Variants in MAPK14 observed in about 807,000 individuals in gnomAD.
The protein encoded by MAPK14 is CSAID-binding protein.
Under a neutral mutation model 49.6 loss-of-function variants are expected in MAPK14, and 16 were observed. That is an observed-to-expected ratio of 0.32 (90% confidence interval 0.22 to 0.49). MAPK14 has a LOEUF of 0.49. Among genes scored for constraint, MAPK14 ranks in the 20% least tolerant of loss-of-function variants. MAPK14 has a pLI of 0.99. For missense variants in MAPK14, 200 were observed against 441.2 expected, an observed-to-expected ratio of 0.45 and a Z score of 4.90; for synonymous variants, 142 against 158.0, an observed-to-expected ratio of 0.90 and a Z score of 0.76.
chr6:36,065,507 G>GGGGTGTGT (rs1435565312), intron 3 of MAPK14, among the ~76,000 whole-genome samples: 3 of 122,454 alleles, frequency 2.4e-5, no homozygotes, highest in African/African-American at 6.2e-5. Flanking sequence ...GGGCAGAAAA[G>GGGGTGTGT]GTGTGTGTGT....
intron 3 of MAPK14, among the ~76,000 whole-genome samples, chr6:36,064,053 T>G (rs1763936900): frequency 7.2e-6 from 1 of 139,050 alleles, no homozygotes; most frequent in Non-Finnish European, 1.5e-5. Context: ...TACTATAATA[T>G]TGCCTTTTCT....
intron 9 of MAPK14, chr6:36,100,254 T>C: frequency 1.2e-6 from 2 of 1,613,356 alleles, no homozygotes; most frequent in Non-Finnish European, 1.7e-6. Context: ...ATTAACAGGA[T>C]GCCAAGCCAT....
At chr6:36,121,206 G>A in the MAPK14 span, among the ~76,000 whole-genome samples, 1 of 152,178 alleles carries the variant, frequency 6.6e-6, no homozygotes, top group African/African-American at 2.4e-5. Flanking sequence ...TGGAGGATCC[G>A]ATTAGCAAGA....
chr6:36,068,511 G>T (rs1764148017), intron 3 of MAPK14, among the ~76,000 whole-genome samples: 1 of 152,180 alleles, frequency 6.6e-6, no homozygotes, highest in Non-Finnish European at 1.5e-5. Flanking sequence ...GCAGAAGCTT[G>T]TGCTTACAAA....
At chr6:36,039,258 T>C (rs988349821) in intron 1 of MAPK14, among the ~76,000 whole-genome samples, 2 of 152,152 alleles carry the variant, frequency 1.3e-5, no homozygotes, top group African/African-American at 4.8e-5. Context: ...AGAAAATAAG[T>C]TTTCCTGCAA....
At chr6:36,065,547 T>TGTGTGTGTGTGTGTGTGTGTGTGTGTGTG (rs1581777404) in intron 3 of MAPK14, among the ~76,000 whole-genome samples, 1 of 145,322 alleles carries the variant, frequency 6.9e-6, no homozygotes, top group African/African-American at 2.5e-5. Flanking sequence ...TGTGTGTGTG[T>TGTGTGTGTGTGTGTGTGTGTGTGTGTGTG]TTGGTGGGAA....
At chr6:36,045,990 G>C (rs531241276) in intron 1 of MAPK14, among the ~76,000 whole-genome samples, 22 of 152,076 alleles carry the variant, frequency 1.4e-4, no homozygotes, top group African/African-American at 5.3e-4. Context: ...AAATTTAGAA[G>C]TTAAACAGAA....
At chr6:36,104,702 T>C (rs911430178) in intron 10 of MAPK14, among the ~76,000 whole-genome samples, 7 of 152,206 alleles carry the variant, frequency 4.6e-5, no homozygotes, top group African/African-American at 1.7e-4. Context: ...TGTTCTTTCT[T>C]GTCGTCATTC....
At position 36,110,978 on chromosome 6, in the gene MAPK14, T is replaced by C. The variant is rs1172792127; in HGVS notation, c.*2531T>C. On this transcript the variant is annotated 3_prime_UTR_variant, in exon 12 of 12. Transcript: ENST00000229794. ...GTGGATGGGTAAAGCAAAGAGCAAA[T>C]GAACGAAGTATTAAGCATTGGGGCC... The C allele has an allele frequency of 1.3e-5, 2 of 152,116 alleles. No homozygotes were observed. The highest frequency in any genetic ancestry group is 2.9e-5 in the Non-Finnish European group (2 of 68,006). The allele number at this position is 152,116 out of a possible 1,614,324, so 9.4% of individuals were successfully genotyped here.
In MAPK14 at chr6:36,100,318, C is replaced by G. The variant is rs1239419939; in HGVS notation, c.763-2253C>G. The G allele has an allele frequency of 1.3e-5, 17 of 1,315,612 alleles. No individual in the cohort carries two copies. The East Asian group carries it at 3.9e-4, about 30-fold the overall frequency. The allele number at this position is 1,315,612 out of a possible 1,614,324, so 81.5% of individuals were successfully genotyped here. On this transcript the variant is annotated intron_variant, in intron 9 of 11. Transcript: ENST00000229794. ...ATGTCGCACTGAGAAGCCACATTCT[C>G]ATTTTATTGCCACCGTATAACCAAC...
At chr6:36,097,771 C>G (rs1765493088) in intron 9 of MAPK14, 2 of 152,132 alleles carry the variant, frequency 1.3e-5, no homozygotes, top group Admixed American at 1.3e-4. Context: ...AAGAAAGAAA[C>G]AATGAGTGCA....
intron 3 of MAPK14, among the ~76,000 whole-genome samples, chr6:36,069,475 C>A (rs1764185348): frequency 6.6e-6 from 1 of 152,170 alleles, no homozygotes; most frequent in Non-Finnish European, 1.5e-5. Context: ...AAGTTAGTTC[C>A]TGCAAGATGC....
intron 4 of MAPK14, 66 bp downstream of exon 4, chr6:36,073,050 T>C: frequency 9.9e-7 from 1 of 1,009,302 alleles, no homozygotes; most frequent in Non-Finnish European, 1.6e-6. Flanking sequence ...TTTTAGGGCT[T>C]AAACAAACAA....
chr6:36,120,009 CAGAG>C, the MAPK14 span, among the ~76,000 whole-genome samples: 1 of 152,154 alleles, frequency 6.6e-6, no homozygotes, highest in Non-Finnish European at 1.5e-5. Flanking sequence ...GGCATGGAAT[CAGAG>C]AGGGGCATGA....
chr6:36,091,962 CA>C, intron 8 of MAPK14: 1 of 289,684 alleles, frequency 3.5e-6, no homozygotes. Flanking sequence ...GTCTCATTTA[CA>C]AAAATGGCCA....
chr6:36,081,982 T>G (rs949165480), intron 8 of MAPK14, among the ~76,000 whole-genome samples: 1 of 152,218 alleles, frequency 6.6e-6, no homozygotes, highest in Non-Finnish European at 1.5e-5. Flanking sequence ...CCTATGTATT[T>G]TATTATTTTT....
downstream of MAPK14, among the ~76,000 whole-genome samples, chr6:36,114,229 A>G (rs1235442198): frequency 6.6e-6 from 1 of 152,204 alleles, no homozygotes; most frequent in Non-Finnish European, 1.5e-5. Flanking sequence ...GAAAACCATG[A>G]ATCTAACACT....
intron 1 of MAPK14, 149 bp from the exon 2 acceptor site, chr6:36,052,550 G>T: frequency 1.8e-6 from 1 of 548,062 alleles, no homozygotes; most frequent in Non-Finnish European, 2.9e-6. Flanking sequence ...TTGGATAATG[G>T]GATAATAGGT....
the MAPK14 span, among the ~76,000 whole-genome samples, chr6:36,122,496 AC>A: frequency 6.6e-6 from 1 of 152,228 alleles, no homozygotes; most frequent in African/African-American, 2.4e-5. Flanking sequence ...TCGGCCAGTC[AC>A]CGGCTGCCAG....
Sources: gnomAD v4.1 joint callset for allele counts (sites outside exome capture counted in the v4.1 genomes callset) on GRCh38, gnomAD v4.1.1 for gene constraint, MANE v1.5 for transcripts, NCBI Gene and HGNC (gene_info 2026-07-23, HGNC 2026-07-21) for gene names.